Variants in NAV2 observed in about 807,000 individuals in gnomAD.
NAV2 encodes the protein helicase, APC down-regulated 1.
In NAV2, 54 loss-of-function variants were observed where a neutral mutation model predicts 223.2. That is an observed-to-expected ratio of 0.24 (90% CI 0.19 to 0.30). The LOEUF is 0.30. Among genes scored for constraint, NAV2 ranks in the 10% least tolerant of loss-of-function variants. The probability of loss-of-function intolerance (pLI) is 1.00; values close to 1 mark genes in which losing one functional copy is unlikely to be tolerated. For missense variants in NAV2, 2,806 were observed against 3,147.5 expected (o/e 0.89, Z 2.60); for synonymous variants, 1,279 against 1,239.3 (o/e 1.03, Z -0.67).
At chr11:20,034,536 C>G (rs754052299) in intron 11 of NAV2, among the ~76,000 whole-genome samples, 1 of 152,138 alleles carries the variant, frequency 6.6e-6, no homozygotes, top group South Asian at 2.1e-4. Flanking sequence ...TGTGCCACCA[C>G]CCCCGGCTAA....
chr11:19,929,097 A>C (rs1267674277), intron 6 of NAV2, among the ~76,000 whole-genome samples: 1 of 152,096 alleles, frequency 6.6e-6, no homozygotes, highest in African/African-American at 2.4e-5. Context: ...TCTACAAAAA[A>C]ACACACACAC....
At position 19,713,221 on chromosome 11, in the gene NAV2, G is replaced by C; in HGVS notation, c.-475G>C. The C allele has an allele frequency of 1.4e-6, 1 of 732,526 alleles. No homozygotes were observed. The highest frequency in any genetic ancestry group is 1.7e-6 in the Non-Finnish European group (1 of 598,090). The allele number at this position is 732,526 out of a possible 1,614,324, so 45.4% of individuals were successfully genotyped here. Reference sequence around the variant, plus strand: ...TGCTGTCTCCTTTCCTTCCTTGGCTGCTCGCTCTTTCTCTCGCCGGCTCAG... The same window carrying C: ...TGCTGTCTCCTTTCCTTCCTTGGCTCCTCGCTCTTTCTCTCGCCGGCTCAG... On this transcript the variant is annotated 5_prime_UTR_variant, in exon 1 of 38. Coordinates refer to ENST00000349880, the MANE Select transcript of NAV2 (RefSeq NM_145117.5). This position sits in a 1 kb window ranked among gnomAD's most constrained non-coding sequence, Gnocchi z 7.2.
chr11:19,927,231 G>C (rs1482037678), intron 6 of NAV2, among the ~76,000 whole-genome samples: 1 of 152,174 alleles, frequency 6.6e-6, no homozygotes, highest in Non-Finnish European at 1.5e-5. Context: ...CTTGTAAGCT[G>C]GTCTTTTAGA....
chr11:19,969,141 A>G (rs928580355), intron 10 of NAV2, among the ~76,000 whole-genome samples: 1 of 152,200 alleles, frequency 6.6e-6, no homozygotes, highest in African/African-American at 2.4e-5. Flanking sequence ...AGAGAAACAC[A>G]GTTCTTTTGC....
intron 1 of NAV2, among the ~76,000 whole-genome samples, chr11:19,482,725 T>G (rs1196710911): frequency 2.0e-5 from 3 of 152,138 alleles, no homozygotes; most frequent in Non-Finnish European, 4.4e-5. Context: ...TGGAGGAGAA[T>G]GCATATCAGG....
chr11:19,588,570 C>T (rs1167236495), intron 1 of NAV2, among the ~76,000 whole-genome samples: 1 of 152,164 alleles, frequency 6.6e-6, no homozygotes, highest in Non-Finnish European at 1.5e-5. Flanking sequence ...CTAAGATCCT[C>T]ATATTTATAG....
chr11:20,011,805 T>G (rs939471868), intron 11 of NAV2, among the ~76,000 whole-genome samples: 1 of 152,280 alleles, frequency 6.6e-6, no homozygotes, highest in Non-Finnish European at 1.5e-5. Flanking sequence ...TTCCATTCTA[T>G]GTGGCGGAGC....
chr11:19,875,852 G>A (rs1262744675), intron 4 of NAV2, among the ~76,000 whole-genome samples: 2 of 152,086 alleles, frequency 1.3e-5, no homozygotes, highest in African/African-American at 4.8e-5. Flanking sequence ...AGCGACTGTG[G>A]CACACAGGGG....
chr11:19,831,243 T>TGGGGGGGGGGGGG (rs1565392533), intron 1 of NAV2, among the ~76,000 whole-genome samples: 1 of 1,868 alleles, frequency 5.4e-4, no homozygotes, highest in Non-Finnish European at 1.0e-3. Context: ...GGGGGCGCGA[T>TGGGGGGGGGGGGG]GGGGAGTGGG....
intron 1 of NAV2, among the ~76,000 whole-genome samples, chr11:19,368,072 G>A (rs113251140): frequency 0.015 from 2,359 of 152,256 alleles, 58 homozygotes; most frequent in African/African-American, 0.054. Flanking sequence ...CAGGCTGATG[G>A]AGCATCAACA....
At chr11:19,714,759 C>T (rs2050152742) in intron 1 of NAV2, among the ~76,000 whole-genome samples, 1 of 152,156 alleles carries the variant, frequency 6.6e-6, no homozygotes, top group Non-Finnish European at 1.5e-5. Context: ...CCTTTCCAGA[C>T]AGAGCCTGCA....
chr11:19,761,059 G>A (rs911395038), intron 1 of NAV2, among the ~76,000 whole-genome samples: 4 of 152,166 alleles, frequency 2.6e-5, no homozygotes, highest in Non-Finnish European at 4.4e-5. Flanking sequence ...TGTTGAGATG[G>A]AGGCCAGAAT....
intron 1 of NAV2, among the ~76,000 whole-genome samples, chr11:19,658,200 A>C (rs989863418): frequency 2.0e-5 from 3 of 152,202 alleles, no homozygotes; most frequent in African/African-American, 7.2e-5. Flanking sequence ...AACTAAGCGC[A>C]GAGAGGTTGA....
rs2058333704 is a variant in NAV2, at chr11:20,055,861, T to C, written c.4735T>C (p.Tyr1579His). The C allele has an allele frequency of 1.2e-6, 2 of 1,614,058 alleles. No individual in the cohort carries two copies. Among genetic ancestry groups the C allele is most frequent in the Admixed American group, 1.7e-5 (1 of 60,012 alleles). ...CAATGCTGATGGGCAGTATGATCCA[T>C]ACACTGACAGCCGCTTCCGGAATAG... ...LSNADGQYDP[Y>H]TDSRFRNSSM... is the part of the protein sequence containing the mutation. The change falls in exon 19 of 38, where the codon TAC (tyrosine) becomes CAC (histidine). Residue 1579 changes from tyrosine to histidine, a missense_variant. Tyr to His is a moderately conservative substitution (Grantham distance 83, BLOSUM62 2). Coordinates refer to ENST00000349880, the MANE Select transcript of NAV2 (RefSeq NM_145117.5).
chr11:19,952,360 A>G (rs1028074642), intron 10 of NAV2, among the ~76,000 whole-genome samples: 1 of 152,220 alleles, frequency 6.6e-6, no homozygotes, highest in African/African-American at 2.4e-5. Flanking sequence ...AAGTGCTACA[A>G]TTAATATGGT....
intron 1 of NAV2, among the ~76,000 whole-genome samples, chr11:19,747,746 C>T (rs892093302): frequency 6.6e-6 from 1 of 152,182 alleles, no homozygotes; most frequent in Non-Finnish European, 1.5e-5. Flanking sequence ...GTTTTTCAAA[C>T]TAAAAACTAA....
chr11:20,007,071 C>T (rs1043976395), intron 11 of NAV2, among the ~76,000 whole-genome samples: 10 of 152,208 alleles, frequency 6.6e-5, no homozygotes, highest in African/African-American at 2.4e-4. Context: ...ATCCTCCCAC[C>T]TCAGCCTCCA....
At chr11:19,721,752 A>G (rs962633753) in intron 1 of NAV2, among the ~76,000 whole-genome samples, 5 of 152,244 alleles carry the variant, frequency 3.3e-5, no homozygotes, top group African/African-American at 1.2e-4. Flanking sequence ...AGATAGTATT[A>G]TTCTATCCAT....
At chr11:19,552,227 G>A (rs192229390) in intron 1 of NAV2, among the ~76,000 whole-genome samples, 6 of 152,296 alleles carry the variant, frequency 3.9e-5, no homozygotes, top group African/African-American at 1.4e-4. Context: ...GCCTCTTTGC[G>A]GTGCCTGGGG....
Sources: allele counts gnomAD v4.1 joint callset (sites outside exome capture counted in the v4.1 genomes callset), GRCh38; gene constraint gnomAD v4.1.1; non-coding constraint Gnocchi (gnomAD v3.1); transcripts MANE v1.5; gene names NCBI Gene and HGNC (gene_info 2026-07-23, HGNC 2026-07-21).